Variants in CACNA1C observed in about 807,000 individuals in gnomAD.
CACNA1C encodes calcium voltage-gated channel subunit alpha1 C.
A neutral mutation model predicts 229.0 loss-of-function variants in CACNA1C; 30 were observed. The observed-to-expected ratio is 0.13, with a 90% confidence interval of 0.10 to 0.18. CACNA1C has a LOEUF of 0.18. Among genes scored for constraint, CACNA1C ranks in the 10% least tolerant of loss-of-function variants. The pLI is 1.00. For synonymous variants in CACNA1C, 1,114 were observed against 1,132.5 expected, an observed-to-expected ratio of 0.98 and a Z score of 0.33; for missense variants, 1,658 against 2,845.0, an observed-to-expected ratio of 0.58 and a Z score of 9.49.
In CACNA1C at chr12:2,141,924, A is replaced by G. The variant is rs1223865934; in HGVS notation, c.477+21494A>G. ...AACCCAGCCTGCATGAGGATACCAT[A>G]AAGCGGAAGCCGGGCGGCTCTTTGA... On this transcript the variant is annotated intron_variant, in intron 3 of 46. Transcript: ENST00000399655. Among the ~76,000 whole-genome samples, 2 of 151,228 alleles carry G rather than the reference A, an allele frequency of 1.3e-5. 1 individual carries two copies. The highest frequency in any genetic ancestry group is 3.0e-5 in the Non-Finnish European group (2 of 67,600).
intron 18 of CACNA1C, among the ~76,000 whole-genome samples, chr12:2,587,920 C>T (rs1198841050): frequency 1.3e-5 from 2 of 152,212 alleles, no homozygotes; most frequent in Non-Finnish European, 2.9e-5. Flanking sequence ...CAAGCATGCC[C>T]ATTTGTGCAC....
rs71454862 is a variant in CACNA1C at position 2,106,479 on chromosome 12, A to C, written c.50-8745A>C. On this transcript the variant is annotated intron_variant, in intron 1 of 46. Coordinates refer to ENST00000399655, the MANE Select transcript of CACNA1C (RefSeq NM_000719.7). ...GCTGGGGTGTCCTGAAGCCACTGGG[A>C]GCCCACCCCGGGGAGGGTTTCCACC... 2.0e-3 allele frequency among the ~76,000 whole-genome samples: 120 copies of C among 59,352 alleles called. 1 individual carries two copies. Among genetic ancestry groups the C allele is most frequent in the African/African-American group, 5.4e-3 (79 of 14,526 alleles). 38.9% of individuals were successfully genotyped at this position (59,352 alleles called of 152,430 possible). A position where few individuals can be genotyped will look rare whatever the true frequency, so the allele number is the denominator to read the frequency against.
intron 3 of CACNA1C, among the ~76,000 whole-genome samples, chr12:2,332,432 T>C (rs1173100470): frequency 6.6e-5 from 10 of 152,210 alleles, no homozygotes; most frequent in African/African-American, 2.4e-4. Context: ...GGAGAGGATG[T>C]GAGTGTGTAG....
At chr12:2,270,109 G>T (rs2084205960) in intron 3 of CACNA1C, among the ~76,000 whole-genome samples, 1 of 152,202 alleles carries the variant, frequency 6.6e-6, no homozygotes, top group Non-Finnish European at 1.5e-5. Context: ...TCAGGGAACA[G>T]AGGGTGGAAG....
rs73241760 is a variant in CACNA1C, at chr12:2,615,704, C to T, written c.3828+3691C>T. Among the ~76,000 whole-genome samples the T allele has an allele frequency of 8.6e-3, 1,314 of 152,286 alleles. 16 individuals are homozygous for T. The highest frequency in any genetic ancestry group is 0.03 in the African/African-American group (1,231 of 41,548). ...AAGGAGGGAATGCACAGGAGCCTGG[C>T]GCGGGAAGCAGTGTCTGTCTCAGCT... On this transcript the variant is annotated intron_variant, in intron 29 of 46. Transcript: ENST00000399655.
chr12:2,236,584 T>C lies in CACNA1C; in HGVS notation c.477+116154T>C, dbSNP rs144403054. Among the ~76,000 whole-genome samples, 518 of 152,314 alleles carry C rather than the reference T, an allele frequency of 3.4e-3. 1 individual carries two copies. The highest frequency in any genetic ancestry group is 0.011 in the African/African-American group (478 of 41,568). The stretch of plus-strand genomic sequence containing the variant: ...AAGGGTCTTTCCTTTGTTGCTGGGT[T>C]TAACTTGGCACTTCTAGGCTACTTT... On this transcript the variant is annotated intron_variant, in intron 3 of 46. Transcript: ENST00000399655.
intron 1 of CACNA1C, among the ~76,000 whole-genome samples, chr12:2,011,643 A>G (rs2044462362): frequency 6.6e-6 from 1 of 152,252 alleles, no homozygotes; most frequent in Non-Finnish European, 1.5e-5. Context: ...AGAAAAGCCC[A>G]GAAACAATAC....
chr12:2,237,205 C>T (rs948334079), intron 3 of CACNA1C, among the ~76,000 whole-genome samples: 1 of 152,138 alleles, frequency 6.6e-6, no homozygotes, highest in African/African-American at 2.4e-5. Context: ...GTATGATTTT[C>T]TGGGTCAATT....
At chr12:1,972,040 T>C (rs892328381) in intron 1 of CACNA1C, among the ~76,000 whole-genome samples, 14 of 152,238 alleles carry the variant, frequency 9.2e-5, no homozygotes, top group African/African-American at 2.9e-4. Flanking sequence ...TTGGTAATGT[T>C]CTTTCTAATA....
intron 1 of CACNA1C, among the ~76,000 whole-genome samples, chr12:2,056,828 AAG>A (rs573247384): frequency 1.2e-4 from 18 of 152,342 alleles, no homozygotes; most frequent in Non-Finnish European, 2.5e-4. Context: ...ATATATTAAA[AAG>A]AGTCAATTTT....
At chr12:2,284,924 A>G (rs2092378590) in intron 3 of CACNA1C, among the ~76,000 whole-genome samples, 1 of 152,194 alleles carries the variant, frequency 6.6e-6, no homozygotes, top group Admixed American at 6.5e-5. Flanking sequence ...CCTGGTAGCC[A>G]CAGAATGGGC....
intron 1 of CACNA1C, among the ~76,000 whole-genome samples, chr12:1,974,578 A>G (rs2033698055): frequency 2.0e-5 from 3 of 152,188 alleles, no homozygotes; most frequent in Non-Finnish European, 4.4e-5. Flanking sequence ...GGATGCAACA[A>G]TTCTGCAAAA....
Position 2,602,633 on chromosome 12 carries a change from TGTGTGTGTGTGTGTG to T in CACNA1C, c.2960+674_2960+688del. On this transcript the variant is annotated intron_variant, in intron 22 of 46. Coordinates refer to ENST00000399655, the MANE Select transcript of CACNA1C (RefSeq NM_000719.7). The surrounding 1 kb of genome is among the most constrained non-coding windows in gnomAD (Gnocchi z 4.4). ...TGTGACTGTGTATATTTGTGTCTTG[TGTGTGTGTGTGTGTG>T]TGTGTGTGTGTGTGTGTGTGTGAGT... 4.7e-5 allele frequency among the ~76,000 whole-genome samples: 1 copy of T among 21,188 alleles called. No individual in the cohort carries two copies. The highest frequency in any genetic ancestry group is 5.5e-4 in the East Asian group (1 of 1,806). 13.9% of individuals were successfully genotyped at this position (21,188 alleles called of 152,430 possible).
intron 3 of CACNA1C, among the ~76,000 whole-genome samples, chr12:2,315,259 AAGCAC>A (rs1436061951): frequency 2.6e-5 from 4 of 152,196 alleles, no homozygotes; most frequent in African/African-American, 9.6e-5. Flanking sequence ...GGGTTTGGGG[AAGCAC>A]AGCTCCCTGA....
chr12:2,447,911 G>A (rs531548682), intron 3 of CACNA1C, among the ~76,000 whole-genome samples: 6 of 152,364 alleles, frequency 3.9e-5, no homozygotes, highest in African/African-American at 7.2e-5. Flanking sequence ...CAGGCCCGCC[G>A]CACTCTGGAG....
intron 9 of CACNA1C, among the ~76,000 whole-genome samples, chr12:2,522,713 G>T (rs376412039): frequency 6.6e-6 from 1 of 152,106 alleles, no homozygotes; most frequent in Non-Finnish European, 1.5e-5. Flanking sequence ...GCCCTCTGGG[G>T]CTCTCCTGGG....
At chr12:2,547,711 G>A (rs999731570) in intron 9 of CACNA1C, among the ~76,000 whole-genome samples, 1 of 152,210 alleles carries the variant, frequency 6.6e-6, no homozygotes, top group African/African-American at 2.4e-5. Flanking sequence ...CAAAGCCACT[G>A]CCTTATCATT....
At chr12:2,004,273 C>G in intron 1 of CACNA1C, 1 of 1,612,960 alleles carries the variant, frequency 6.2e-7, no homozygotes, top group Non-Finnish European at 8.5e-7. Context: ...CCGCCGCGTC[C>G]GCACGCACCC....
At chr12:2,457,537 G>C (rs753330732) in intron 4 of CACNA1C, 30 bp from the exon 5 acceptor site, 8 of 1,599,532 alleles carry the variant, frequency 5.0e-6, no homozygotes, top group Non-Finnish European at 6.8e-6. Flanking sequence ...ACCCAGTCCT[G>C]ACAGTCCTTC....
Sources: gnomAD v4.1 joint callset for allele counts (sites outside exome capture counted in the v4.1 genomes callset) on GRCh38, gnomAD v4.1.1 for gene constraint, Gnocchi (gnomAD v3.1) non-coding constraint, MANE v1.5 for transcripts, NCBI Gene and HGNC (gene_info 2026-07-23, HGNC 2026-07-21) for gene names.